The following RPTOR variants were observed in gnomAD, a reference collection of about 807,000 sequenced individuals.
The protein encoded by RPTOR is regulatory-associated protein of mTOR.
A neutral mutation model predicts 169.9 loss-of-function variants in RPTOR; 21 were observed. The ratio of observed to expected loss-of-function variants is 0.12; its 90% CI spans 0.09 to 0.18. The LOEUF (loss-of-function observed/expected upper bound fraction) is 0.18. Among genes scored for constraint, RPTOR ranks in the 10% least tolerant of loss-of-function variants. RPTOR has a pLI of 1.00. For synonymous variants in RPTOR, 732 were observed against 753.2 expected (o/e 0.97, Z 0.46); for missense variants, 1,133 against 1,855.9 (o/e 0.61, Z 7.16).
chr17:80,687,269 T>C (rs1598222386), intron 3 of RPTOR, among the ~76,000 whole-genome samples: 1 of 152,250 alleles, frequency 6.6e-6, no homozygotes, highest in East Asian at 1.9e-4. Context: ...TTCCTGTTTC[T>C]TTCTCCTGTC....
At chr17:80,958,365 A>C (rs924945331) in intron 29 of RPTOR, among the ~76,000 whole-genome samples, 1 of 146,604 alleles carries the variant, frequency 6.8e-6, no homozygotes, top group Non-Finnish European at 1.5e-5. Context: ...CACTGGGATT[A>C]TAGGTGTGAG....
At chr17:80,706,966 C>A (rs557608568) in intron 3 of RPTOR, among the ~76,000 whole-genome samples, 3 of 152,218 alleles carry the variant, frequency 2.0e-5, no homozygotes, top group Admixed American at 1.3e-4. Context: ...TGCATTCAGT[C>A]TGCTCTGTGG....
intron 1 of RPTOR, among the ~76,000 whole-genome samples, chr17:80,620,710 GAGCCGAGATCGTGCCACT>G (rs2065348086): frequency 6.6e-6 from 1 of 152,254 alleles, no homozygotes; most frequent in African/African-American, 2.4e-5. Context: ...AGGTTGCGGT[GAGCCGAGATCGTGCCACT>G]GCACGTGATC....
chr17:80,867,660 T>A (rs1240598511), intron 13 of RPTOR, among the ~76,000 whole-genome samples: 1 of 152,174 alleles, frequency 6.6e-6, no homozygotes, highest in Non-Finnish European at 1.5e-5. Flanking sequence ...CTAGAAAAAA[T>A]TTAGTAAGTT....
intron 11 of RPTOR, among the ~76,000 whole-genome samples, chr17:80,851,480 G>A (rs1016828399): frequency 7.2e-6 from 1 of 138,364 alleles, no homozygotes; most frequent in Admixed American, 7.5e-5. Context: ...AAGGTGGCAG[G>A]AAGATGATGT....
At chr17:80,686,387 G>C (rs1009788062) in intron 3 of RPTOR, among the ~76,000 whole-genome samples, 1 of 148,836 alleles carries the variant, frequency 6.7e-6, no homozygotes, top group Non-Finnish European at 1.5e-5. Flanking sequence ...GGGTTTCACC[G>C]TGTTAGCCAG....
chr17:80,742,893 C>G (rs2066498792), intron 5 of RPTOR, among the ~76,000 whole-genome samples: 1 of 152,062 alleles, frequency 6.6e-6, no homozygotes, highest in African/African-American at 2.4e-5. Flanking sequence ...CACACATGCA[C>G]ACATACACAC....
At chr17:80,585,342 T>A (rs576978741) in intron 1 of RPTOR, among the ~76,000 whole-genome samples, 12 of 151,912 alleles carry the variant, frequency 7.9e-5, no homozygotes, top group African/African-American at 2.4e-4. Context: ...GTAGCTGAGA[T>A]TATAGGCACG....
At chr17:80,603,112 T>C (rs977024235) in intron 1 of RPTOR, among the ~76,000 whole-genome samples, 1 of 152,370 alleles carries the variant, frequency 6.6e-6, no homozygotes, top group South Asian at 2.1e-4. Context: ...TCCCTCATCA[T>C]GCTGTTTATT....
At chr17:80,773,021 G>C (rs760382319) in intron 6 of RPTOR, among the ~76,000 whole-genome samples, 1 of 152,174 alleles carries the variant, frequency 6.6e-6, no homozygotes, top group Non-Finnish European at 1.5e-5. Flanking sequence ...TGCATGCAGG[G>C]CTTTTAAAAT....
intron 1 of RPTOR, among the ~76,000 whole-genome samples, chr17:80,570,662 T>C (rs1035718954): frequency 6.6e-6 from 1 of 152,144 alleles, no homozygotes; most frequent in African/African-American, 2.4e-5. Context: ...GGTTTTACCA[T>C]GTTGGCCAGG....
intron 6 of RPTOR, among the ~76,000 whole-genome samples, chr17:80,772,266 C>T (rs925396563): frequency 1.3e-5 from 2 of 152,204 alleles, no homozygotes; most frequent in African/African-American, 2.4e-5. Flanking sequence ...CTTGGATTGT[C>T]TTCCTTAATA....
intron 13 of RPTOR, among the ~76,000 whole-genome samples, chr17:80,877,252 G>A (rs1399235511): frequency 3.3e-5 from 5 of 152,246 alleles, no homozygotes; most frequent in Admixed American, 2.0e-4. Context: ...CCTAGCCAGC[G>A]AAGTGGGAGC....
rs1020232645 is a variant in RPTOR at position 80,641,449 on chromosome 17, A to G, written c.266-2279A>G. Among the ~76,000 whole-genome samples, 3 of 152,256 alleles carry G rather than the reference A, an allele frequency of 2.0e-5. No homozygotes were observed. The East Asian group carries it at 5.8e-4, about 29-fold the overall frequency. On this transcript the variant is annotated intron_variant, in intron 2 of 33. Coordinates refer to ENST00000306801, the MANE Select transcript of RPTOR (RefSeq NM_020761.3). ...CCTTTCCAGTTGTAAAATCTTATTA[A>G]CGTCATGATTTTTATTTTATTTTTT...
At chr17:80,663,176 C>T (rs2065737591) in intron 3 of RPTOR, among the ~76,000 whole-genome samples, 1 of 152,242 alleles carries the variant, frequency 6.6e-6, no homozygotes, top group African/African-American at 2.4e-5. Context: ...TGCACATCCA[C>T]GCAGGGTGCA....
intron 5 of RPTOR, among the ~76,000 whole-genome samples, chr17:80,738,915 A>G (rs901954028): frequency 6.6e-6 from 1 of 152,280 alleles, no homozygotes; most frequent in African/African-American, 2.4e-5. Context: ...GCCATAATTC[A>G]TGAAAACGAT....
intron 3 of RPTOR, among the ~76,000 whole-genome samples, chr17:80,684,546 G>C (rs1364913756): frequency 3.3e-5 from 5 of 151,766 alleles, no homozygotes; most frequent in African/African-American, 1.2e-4. Flanking sequence ...CCGGGTTCAC[G>C]CCATTCTCCT....
Position 80,707,891 on chromosome 17 carries a change from C to T in RPTOR, c.399C>T (p.Leu133=), listed in dbSNP as rs759818225. The part of the protein sequence containing the change: ...LDPTVDEVKK[L]CTSLRRNAKE... Reference sequence around the variant, plus strand: ...CAACTGTGGATGAAGTCAAGAAGCTCTGCACGTCCTTACGTCGCAACGCCA... The same window carrying T: ...CAACTGTGGATGAAGTCAAGAAGCTTTGCACGTCCTTACGTCGCAACGCCA... Residue 133 remains leucine (L), a synonymous_variant, in exon 4 of 34, where the codon CTC becomes CTT. Coordinates refer to ENST00000306801, the MANE Select transcript of RPTOR (RefSeq NM_020761.3). The surrounding 1 kb of genome is among the most constrained non-coding windows in gnomAD (Gnocchi z 5.0). 19 of 1,613,998 alleles carry T rather than the reference C, an allele frequency of 1.2e-5. No homozygotes were observed. The African/African-American group carries it at 2.4e-4, about 20-fold the overall frequency.
At position 80,720,698 on chromosome 17, in the gene RPTOR, G is replaced by A. The variant is rs531236256; in HGVS notation, c.508-9862G>A. On this transcript the variant is annotated intron_variant, in intron 4 of 33. Transcript: ENST00000306801. ...CTGCATTTAAAACCACGGTCATAGCGCTGCGGTGCCCATGCTTGAGTGCGC... is the reference window on the plus strand; with the variant it reads ...CTGCATTTAAAACCACGGTCATAGCACTGCGGTGCCCATGCTTGAGTGCGC... 5.3e-3 allele frequency among the ~76,000 whole-genome samples: 805 copies of A among 152,320 alleles called. 6 individuals carry two copies. Among genetic ancestry groups the A allele is most frequent in the Non-Finnish European group, 8.6e-3 (583 of 68,030 alleles).
Sources: allele counts gnomAD v4.1 joint callset (sites outside exome capture counted in the v4.1 genomes callset), GRCh38; gene constraint gnomAD v4.1.1; non-coding constraint Gnocchi (gnomAD v3.1); transcripts MANE v1.5; gene names NCBI Gene and HGNC (gene_info 2026-07-23, HGNC 2026-07-21).